Variants in SRRM4 observed in about 807,000 individuals in gnomAD.
SRRM4 encodes the protein serine/arginine repetitive matrix 4.
In SRRM4, 33 loss-of-function variants were observed where a neutral mutation model predicts 68.9. The observed-to-expected ratio is 0.48, with a 90% confidence interval of 0.36 to 0.64. The LOEUF (loss-of-function observed/expected upper bound fraction) is 0.64. Among genes scored for constraint, SRRM4 ranks in the 30% least tolerant of loss-of-function variants. The probability of loss-of-function intolerance (pLI) is 0.00; values close to 1 mark genes in which losing one functional copy is unlikely to be tolerated. For missense variants in SRRM4, 817 were observed against 827.1 expected (o/e 0.99, Z 0.15); for synonymous variants, 318 against 318.8 (o/e 1.00, Z 0.03).
At chr12:119,004,369 T>C (rs986503319) in intron 1 of SRRM4, among the ~76,000 whole-genome samples, 1 of 151,944 alleles carries the variant, frequency 6.6e-6, no homozygotes, top group Admixed American at 6.5e-5. Context: ...GTCCTGGAAG[T>C]TTTCTATCTG....
intron 1 of SRRM4, among the ~76,000 whole-genome samples, chr12:119,047,474 C>T (rs1336444813): frequency 6.6e-6 from 1 of 151,980 alleles, no homozygotes; most frequent in African/African-American, 2.4e-5. Flanking sequence ...GTCTTTTATC[C>T]CTCACCCTCC....
At chr12:119,136,847 G>T (rs1364570459) in intron 8 of SRRM4, among the ~76,000 whole-genome samples, 1 of 152,012 alleles carries the variant, frequency 6.6e-6, no homozygotes. Context: ...AAAATAATAA[G>T]GAGGCCAGAC....
At chr12:118,986,800 A>G (rs919009723) in intron 1 of SRRM4, among the ~76,000 whole-genome samples, 2 of 152,174 alleles carry the variant, frequency 1.3e-5, no homozygotes, top group Non-Finnish European at 2.9e-5. Context: ...AAAAGGGAAC[A>G]TCCCTAAAAC....
At chr12:119,145,247 G>T in intron 8 of SRRM4, 134 bp from the exon 9 acceptor site, 1 of 779,254 alleles carries the variant, frequency 1.3e-6, no homozygotes, top group South Asian at 2.4e-5. Flanking sequence ...GTTTTTTGGC[G>T]TCTCTTCTTT....
At chr12:119,044,235 A>G (rs899112027) in intron 1 of SRRM4, among the ~76,000 whole-genome samples, 1 of 152,162 alleles carries the variant, frequency 6.6e-6, no homozygotes, top group African/African-American at 2.4e-5. Context: ...TTTCCAACCC[A>G]GGAAGACTTT....
intron 1 of SRRM4, among the ~76,000 whole-genome samples, chr12:118,999,146 C>A (rs994035024): frequency 2.0e-5 from 3 of 152,218 alleles, no homozygotes; most frequent in Non-Finnish European, 4.4e-5. Flanking sequence ...TCCAAGGACC[C>A]AGCCCCCACA....
intron 1 of SRRM4, among the ~76,000 whole-genome samples, chr12:119,096,236 G>A (rs1407132335): frequency 2.7e-5 from 4 of 146,494 alleles, no homozygotes; most frequent in Non-Finnish European, 6.0e-5. Flanking sequence ...GTTTCACTGT[G>A]TTAGCCAGGA....
At chr12:119,108,978 T>C (rs1954125675) in intron 2 of SRRM4, among the ~76,000 whole-genome samples, 1 of 152,224 alleles carries the variant, frequency 6.6e-6, no homozygotes, top group South Asian at 2.1e-4. Flanking sequence ...CCTTTCCATG[T>C]TTAGTGCTTC....
intron 9 of SRRM4, among the ~76,000 whole-genome samples, chr12:119,148,517 C>A (rs1019682167): frequency 6.6e-6 from 1 of 152,292 alleles, no homozygotes; most frequent in East Asian, 1.9e-4. Context: ...TTCGTTGAGC[C>A]CAAATCACAT....
intron 9 of SRRM4, 36 bp downstream of exon 9, chr12:119,145,721 T>C: frequency 6.9e-7 from 1 of 1,453,170 alleles, no homozygotes; most frequent in African/African-American, 1.4e-5. Flanking sequence ...GTAGACGGTC[T>C]CCCACCTTAG....
intron 1 of SRRM4, among the ~76,000 whole-genome samples, chr12:118,986,440 G>A (rs879905880): frequency 5.9e-5 from 9 of 152,174 alleles, no homozygotes; most frequent in Non-Finnish European, 1.0e-4. Context: ...CGGCACACGT[G>A]CTATCTTAGA....
intron 1 of SRRM4, among the ~76,000 whole-genome samples, chr12:119,059,579 C>T (rs1162475653): frequency 3.1e-4 from 47 of 152,122 alleles, no homozygotes; most frequent in Non-Finnish European, 1.5e-5. Context: ...AGGGAAATGT[C>T]TCCCTGGCTA....
intron 1 of SRRM4, chr12:118,989,976 G>A (rs950419660): frequency 2.6e-5 from 4 of 152,240 alleles, no homozygotes; most frequent in African/African-American, 9.6e-5. Context: ...TTCATGGTGT[G>A]TGTGCACGCT....
chr12:119,040,789 TG>T (rs1356341024), intron 1 of SRRM4, among the ~76,000 whole-genome samples: 2 of 152,124 alleles, frequency 1.3e-5, no homozygotes, highest in Non-Finnish European at 2.9e-5. Flanking sequence ...CTCACTCTGT[TG>T]CCCAGGCTGG....
intron 8 of SRRM4, among the ~76,000 whole-genome samples, chr12:119,134,030 G>A (rs1345603043): frequency 2.0e-5 from 3 of 152,118 alleles, no homozygotes; most frequent in African/African-American, 4.8e-5. Context: ...CTAGAGTTGA[G>A]GGTTGAGATA....
In SRRM4 at chr12:119,154,304, C is replaced by G; in HGVS notation, c.1453C>G (p.Arg485Gly). The stretch of plus-strand genomic sequence containing the variant: ...GCAGCGGGAGCGCGAGCGAGCGCGT[C>G]GGAGACGTCGGTCCTACTCGCCTAT... ...SQQRERERARRRRRSYSPMRK... is the reference protein window; with the variant it reads ...SQQRERERARGRRRSYSPMRK... Residue 485 changes from arginine (R) to glycine (G), a missense_variant, in exon 12 of 13, where the codon CGG becomes GGG. Transcript: ENST00000267260. This position sits in a 1 kb window ranked among gnomAD's most constrained non-coding sequence, Gnocchi z 4.7. The G allele has an allele frequency of 6.2e-7, 1 of 1,612,156 alleles. No homozygotes were observed. The highest frequency in any genetic ancestry group is 1.1e-5 in the South Asian group (1 of 90,662).
chr12:119,108,112 T>C (rs1948120569), intron 2 of SRRM4, among the ~76,000 whole-genome samples: 1 of 152,248 alleles, frequency 6.6e-6, no homozygotes, highest in Admixed American at 6.5e-5. Flanking sequence ...AGTTTCCATG[T>C]AGTTGTGCAG....
chr12:119,103,274 T>A (rs1289679018), intron 2 of SRRM4, among the ~76,000 whole-genome samples: 1 of 152,156 alleles, frequency 6.6e-6, no homozygotes, highest in East Asian at 1.9e-4. Flanking sequence ...AACTTTTATT[T>A]TAGGTTTGGG....
In SRRM4 at chr12:119,162,481, A is replaced by T. The variant is rs1954521093; in HGVS notation, c.*5683A>T. On this transcript the variant is annotated 3_prime_UTR_variant, in exon 13 of 13. Coordinates refer to ENST00000267260, the MANE Select transcript of SRRM4 (RefSeq NM_194286.4). The stretch of plus-strand genomic sequence containing the variant: ...GTACAATCATTCAAATAACCCAGTG[A>T]CATAGGTCATATTGCCACTTTTCAG... The T allele has an allele frequency of 6.6e-6, 1 of 152,226 alleles. No homozygotes were observed. Among genetic ancestry groups the T allele is most frequent in the Admixed American group, 6.5e-5 (1 of 15,284 alleles). 9.4% of individuals were successfully genotyped at this position (152,226 alleles called of 1,614,324 possible).
Sources: gnomAD v4.1 joint callset for allele counts (sites outside exome capture counted in the v4.1 genomes callset) on GRCh38, gnomAD v4.1.1 for gene constraint, Gnocchi (gnomAD v3.1) non-coding constraint, MANE v1.5 for transcripts, NCBI Gene and HGNC (gene_info 2026-07-23, HGNC 2026-07-21) for gene names.